SDK1: variants seen among roughly 807,000 people sequenced by gnomAD.
The protein encoded by SDK1 is sidekick cell adhesion molecule 1, also known as protein sidekick-1.
Under a neutral mutation model 245.5 loss-of-function variants are expected in SDK1, and 157 were observed. The observed-to-expected ratio is 0.64, with a 90% CI of 0.56 to 0.73. SDK1 has a LOEUF of 0.73. Ranked by LOEUF, SDK1 falls within the 30% of genes least tolerant of loss-of-function variation. The pLI is 0.00. For synonymous variants in SDK1, 1,647 were observed against 1,278.5 expected (o/e 1.29, Z -6.15); for missense variants, 3,583 against 3,002.3 (o/e 1.19, Z -4.52).
At chr7:4,134,365 G>A (rs1262552735) in intron 28 of SDK1, among the ~76,000 whole-genome samples, 1 of 152,164 alleles carries the variant, frequency 6.6e-6, no homozygotes, top group Non-Finnish European at 1.5e-5. Context: ...CGGAGAGGGA[G>A]CTATGAGCCA....
intron 1 of SDK1, among the ~76,000 whole-genome samples, chr7:3,513,940 A>G (rs952660691): frequency 3.9e-5 from 6 of 152,206 alleles, no homozygotes; most frequent in Admixed American, 3.9e-4. Flanking sequence ...AGCTGCAGCC[A>G]TCTTGCTGCA....
At chr7:3,807,423 GC>G (rs1779279379) in intron 4 of SDK1, among the ~76,000 whole-genome samples, 1 of 152,306 alleles carries the variant, frequency 6.6e-6, no homozygotes, top group Non-Finnish European at 1.5e-5. Flanking sequence ...AATGCCAGGG[GC>G]TGCCTCAAGC....
intron 19 of SDK1, among the ~76,000 whole-genome samples, chr7:4,065,394 C>G (rs775652977): frequency 3.3e-5 from 5 of 152,082 alleles, no homozygotes; most frequent in Admixed American, 1.3e-4. Flanking sequence ...GCTGAGACAT[C>G]GCCAGCTGAT....
chr7:3,584,761 TCCC>T (rs1780627234), intron 1 of SDK1, among the ~76,000 whole-genome samples: 1 of 150,814 alleles, frequency 6.6e-6, no homozygotes, highest in East Asian at 2.0e-4. Flanking sequence ...AGTCTCGCTG[TCCC>T]CCAGGCTGGA....
intron 4 of SDK1, among the ~76,000 whole-genome samples, chr7:3,691,188 A>G (rs559451734): frequency 2.1e-5 from 1 of 48,554 alleles, no homozygotes; most frequent in Non-Finnish European, 5.2e-5. Context: ...GTATACGAAA[A>G]GCAATAGAGA....
At chr7:3,672,258 G>A (rs1263001627) in intron 4 of SDK1, among the ~76,000 whole-genome samples, 2 of 152,130 alleles carry the variant, frequency 1.3e-5, no homozygotes, top group Non-Finnish European at 2.9e-5. Flanking sequence ...TACCCATCCT[G>A]TTTCTGTAGT....
chr7:4,210,520 A>C (rs1051509199), intron 38 of SDK1, among the ~76,000 whole-genome samples: 8 of 152,134 alleles, frequency 5.3e-5, no homozygotes, highest in African/African-American at 1.9e-4. Context: ...TCGCCGACAG[A>C]GACCACCCAG....
At chr7:3,481,998 A>G (rs564545340) in intron 1 of SDK1, among the ~76,000 whole-genome samples, 9 of 149,462 alleles carry the variant, frequency 6.0e-5, no homozygotes, top group Non-Finnish European at 1.2e-4. Context: ...TGAAAAAAAT[A>G]TAATAAGGGA....
At chr7:3,808,068 G>A (rs144296518) in intron 4 of SDK1, among the ~76,000 whole-genome samples, 18 of 152,290 alleles carry the variant, frequency 1.2e-4, no homozygotes, top group African/African-American at 4.1e-4. Flanking sequence ...CTCCCATGCA[G>A]TCATCTCTGG....
chr7:3,303,911 TATC>T (rs1245907287), intron 1 of SDK1, among the ~76,000 whole-genome samples: 2 of 152,186 alleles, frequency 1.3e-5, no homozygotes, highest in Non-Finnish European at 2.9e-5. Context: ...TCTTGAATCT[TATC>T]AGATGTAACA....
intron 44 of SDK1, among the ~76,000 whole-genome samples, chr7:4,254,112 A>G (rs1787479440): frequency 6.6e-6 from 1 of 152,206 alleles, no homozygotes; most frequent in South Asian, 2.1e-4. Context: ...TGCTATTACT[A>G]TACATATTTT....
At chr7:3,743,218 T>G (rs922977071) in intron 4 of SDK1, among the ~76,000 whole-genome samples, 4 of 152,078 alleles carry the variant, frequency 2.6e-5, no homozygotes, top group Non-Finnish European at 5.9e-5. Context: ...GAGGGGTAGT[T>G]TAAAAGAGGC....
intron 4 of SDK1, among the ~76,000 whole-genome samples, chr7:3,720,936 TACAC>T (rs765023113): frequency 6.6e-6 from 1 of 152,232 alleles, no homozygotes. Context: ...GGGCTTCTGA[TACAC>T]ACAACTGGGA....
intron 1 of SDK1, among the ~76,000 whole-genome samples, chr7:3,592,955 G>C (rs1336169379): frequency 3.3e-5 from 5 of 152,174 alleles, no homozygotes; most frequent in Admixed American, 2.0e-4. Context: ...CAGGGCATTG[G>C]GCAGCTGGGA....
At position 4,214,890 on chromosome 7, in the gene SDK1, G is replaced by A. The variant is rs544206350; in HGVS notation, c.5539+4728G>A. ...CGTCAGTCTGCAGGCACCATCATCCGTGGTCCGGCTCCAGCCGGGATGAGC... is the reference window on the plus strand; with the variant it reads ...CGTCAGTCTGCAGGCACCATCATCCATGGTCCGGCTCCAGCCGGGATGAGC... On this transcript the variant is annotated intron_variant, in intron 38 of 44. Coordinates refer to ENST00000404826, the MANE Select transcript of SDK1 (RefSeq NM_152744.4). Among the ~76,000 whole-genome samples the A allele has an allele frequency of 9.8e-5, 15 of 152,350 alleles. No homozygotes were observed. The South Asian group carries it at 2.1e-3, about 21-fold the overall frequency.
chr7:4,065,570 AT>A (rs1779822102), intron 19 of SDK1, among the ~76,000 whole-genome samples: 1 of 152,168 alleles, frequency 6.6e-6, no homozygotes, highest in African/African-American at 2.4e-5. Flanking sequence ...TTGTGGGAGG[AT>A]GAGATGGTCT....
In SDK1 at chr7:4,047,733, C is replaced by T. The variant is rs188358445; in HGVS notation, c.2603-1615C>T. Among the ~76,000 whole-genome samples the T allele has an allele frequency of 6.4e-4, 98 of 152,332 alleles. 1 individual carries two copies. The highest frequency in any genetic ancestry group is 2.2e-3 in the African/African-American group (92 of 41,580). On this transcript the variant is annotated intron_variant, in intron 17 of 44. Coordinates refer to ENST00000404826, the MANE Select transcript of SDK1 (RefSeq NM_152744.4). Reference sequence around the variant, plus strand: ...GGGTGAGCAGGACCCATCCTGACTCCTTGGACAGGCCCATCTTTCCTTGTG... The same window carrying T: ...GGGTGAGCAGGACCCATCCTGACTCTTTGGACAGGCCCATCTTTCCTTGTG...
At chr7:4,251,632 G>A (rs1337971227) in intron 44 of SDK1, among the ~76,000 whole-genome samples, 1 of 152,224 alleles carries the variant, frequency 6.6e-6, no homozygotes, top group African/African-American at 2.4e-5. Context: ...AAGAAAGCAG[G>A]TGTTTGGCAT....
At chr7:4,207,168 G>A (rs1584445884) in intron 36 of SDK1, among the ~76,000 whole-genome samples, 2 of 152,342 alleles carry the variant, frequency 1.3e-5, no homozygotes, top group African/African-American at 2.4e-5. Flanking sequence ...CCCAGCAAGA[G>A]CAAGGCGGGC....
Sources: gnomAD v4.1 joint callset for allele counts (sites outside exome capture counted in the v4.1 genomes callset) on GRCh38, gnomAD v4.1.1 for gene constraint, MANE v1.5 for transcripts, NCBI Gene and HGNC (gene_info 2026-07-23, HGNC 2026-07-21) for gene names.